The following GRID2 variants were observed in gnomAD, a reference collection of about 807,000 sequenced individuals.
GRID2 encodes the protein glutamate receptor ionotropic, delta-2.
GRID2 carries 33 observed loss-of-function variants against 114.8 expected under a neutral mutation model. The observed-to-expected ratio is 0.29, with a 90% CI of 0.22 to 0.38. The LOEUF is 0.38. Ranked by LOEUF, GRID2 falls within the 10% of genes least tolerant of loss-of-function variation. The pLI is 1.00. For synonymous variants in GRID2, 505 were observed against 449.9 expected, an observed-to-expected ratio of 1.12 and a Z score of -1.55; for missense variants, 1,184 against 1,257.7, an observed-to-expected ratio of 0.94 and a Z score of 0.89.
intron 8 of GRID2, among the ~76,000 whole-genome samples, chr4:93,325,004 T>A (rs1048272258): frequency 6.6e-6 from 1 of 150,684 alleles, no homozygotes; most frequent in Non-Finnish European, 1.5e-5. Context: ...GATTCATTGA[T>A]TTTTTGAAGG....
rs186931788 is a variant in GRID2 at position 92,681,051 on chromosome 4, A to C, written c.244+90765A>C. 3.0e-4 allele frequency among the ~76,000 whole-genome samples: 45 copies of C among 152,302 alleles called. 1 individual carries two copies. In the East Asian group the frequency reaches 7.1e-3, roughly 24 times the overall value. ...AAATTTGAGAATGAAGAGAAATTGG[A>C]AACAATCCAGGAGAGAATAGCACCA... On this transcript the variant is annotated intron_variant, in intron 2 of 15. Coordinates refer to ENST00000282020, the MANE Select transcript of GRID2 (RefSeq NM_001510.4).
At chr4:93,739,337 T>C (rs1731183616) in intron 14 of GRID2, among the ~76,000 whole-genome samples, 2 of 152,130 alleles carry the variant, frequency 1.3e-5, no homozygotes, top group Non-Finnish European at 2.9e-5. Context: ...TTTCTTCAAC[T>C]ATAGCCTAGT....
chr4:92,900,950 A>G (rs201848305), intron 2 of GRID2, among the ~76,000 whole-genome samples: 6 of 60,216 alleles, frequency 1.0e-4, no homozygotes, highest in Admixed American at 8.9e-4. Context: ...GTGTGTGTGT[A>G]TTTCCCATTT....
At chr4:93,293,222 G>A (rs1176631054) in intron 8 of GRID2, among the ~76,000 whole-genome samples, 2 of 152,124 alleles carry the variant, frequency 1.3e-5, no homozygotes, top group Non-Finnish European at 2.9e-5. Flanking sequence ...TAACACTGGA[G>A]TCACTAAGTC....
intron 2 of GRID2, among the ~76,000 whole-genome samples, chr4:92,945,326 C>A (rs1259134984): frequency 1.3e-5 from 2 of 152,114 alleles, no homozygotes; most frequent in Admixed American, 1.3e-4. Context: ...TTTATGGAAT[C>A]CAACATTACT....
At chr4:93,163,015 T>G (rs1034312528) in intron 4 of GRID2, among the ~76,000 whole-genome samples, 3 of 152,028 alleles carry the variant, frequency 2.0e-5, no homozygotes, top group Non-Finnish European at 2.9e-5. Context: ...CTTTCTGTTT[T>G]ATACATTTAC....
chr4:93,572,611 C>A (rs115602849), intron 13 of GRID2, among the ~76,000 whole-genome samples: 5 of 151,586 alleles, frequency 3.3e-5, no homozygotes, highest in South Asian at 2.1e-4. Flanking sequence ...TTAGCTAGGT[C>A]GAAAAAATGA....
chr4:92,892,468 C>A (rs1746861469), intron 2 of GRID2, among the ~76,000 whole-genome samples: 1 of 151,666 alleles, frequency 6.6e-6, no homozygotes, highest in Admixed American at 6.6e-5. Flanking sequence ...AAAATTTGTT[C>A]TGAGAGATAT....
intron 13 of GRID2, among the ~76,000 whole-genome samples, chr4:93,574,565 G>C (rs1363130609): frequency 6.6e-6 from 1 of 152,146 alleles, no homozygotes; most frequent in African/African-American, 2.4e-5. Context: ...CAGAGAGAGA[G>C]AGCTTGTGCA....
chr4:93,546,074 A>G (rs1178103819), intron 13 of GRID2, among the ~76,000 whole-genome samples: 1 of 152,208 alleles, frequency 6.6e-6, no homozygotes. Flanking sequence ...CATTCAGGAT[A>G]TAATTTGGAG....
intron 8 of GRID2, among the ~76,000 whole-genome samples, chr4:93,239,106 T>G (rs1747157501): frequency 6.7e-6 from 1 of 148,346 alleles, no homozygotes; most frequent in African/African-American, 2.4e-5. Context: ...TAATTCGGAT[T>G]TGCTATATAT....
At chr4:93,266,157 A>T (rs1371694719) in intron 8 of GRID2, among the ~76,000 whole-genome samples, 1 of 152,168 alleles carries the variant, frequency 6.6e-6, no homozygotes, top group Non-Finnish European at 1.5e-5. Flanking sequence ...ATTCAGAGAA[A>T]ACCCATGAGA....
intron 4 of GRID2, among the ~76,000 whole-genome samples, chr4:93,163,372 A>ATGTG (rs1553999436): frequency 1.9e-5 from 1 of 53,896 alleles, no homozygotes; most frequent in African/African-American, 6.9e-5. Context: ...ATATATATAT[A>ATGTG]TATATATATA....
chr4:93,608,311 ATTT>A (rs1186818508), intron 13 of GRID2, among the ~76,000 whole-genome samples: 26 of 116,172 alleles, frequency 2.2e-4, no homozygotes, highest in African/African-American at 8.0e-4. Context: ...TTTTTTTTTA[ATTT>A]TTTTTTTTTA....
intron 2 of GRID2, among the ~76,000 whole-genome samples, chr4:92,860,914 T>C (rs1159781612): frequency 6.6e-6 from 1 of 152,068 alleles, no homozygotes; most frequent in Non-Finnish European, 1.5e-5. Flanking sequence ...GAGCTAATAG[T>C]TTAGGAAGGT....
rs548927198 is a variant in GRID2 at position 93,744,632 on chromosome 4, G to A, written c.2361-24578G>A. Among the ~76,000 whole-genome samples the A allele has an allele frequency of 5.9e-5, 9 of 152,310 alleles. No homozygotes were observed. The East Asian group carries it at 1.7e-3, about 29-fold the overall frequency. ...TCTTGAGATAGAAGCTACTCCTGGT[G>A]AAGATGCTGTGAACACTGTTGAAAT... On this transcript the variant is annotated intron_variant, in intron 14 of 15. Coordinates refer to ENST00000282020, the MANE Select transcript of GRID2 (RefSeq NM_001510.4).
intron 2 of GRID2, among the ~76,000 whole-genome samples, chr4:92,982,584 C>CT (rs1213907584): frequency 6.6e-6 from 1 of 151,958 alleles, no homozygotes; most frequent in Non-Finnish European, 1.5e-5. Flanking sequence ...CCATCAATGC[C>CT]TTAGTTCATT....
chr4:92,588,405 G>A (rs1416823487), intron 1 of GRID2, among the ~76,000 whole-genome samples: 2 of 151,834 alleles, frequency 1.3e-5, no homozygotes, highest in Admixed American at 1.3e-4. Context: ...GGCCAGGCGC[G>A]GTGGCTCACG....
chr4:93,533,296 TC>T (rs1731678563), intron 13 of GRID2, among the ~76,000 whole-genome samples: 2 of 144,716 alleles, frequency 1.4e-5, no homozygotes, highest in African/African-American at 2.6e-5. Flanking sequence ...CTTCCTTCCT[TC>T]CTTCCTTCCT....
Sources: allele counts gnomAD v4.1 joint callset (sites outside exome capture counted in the v4.1 genomes callset), GRCh38; gene constraint gnomAD v4.1.1; transcripts MANE v1.5; gene names NCBI Gene and HGNC (gene_info 2026-07-23, HGNC 2026-07-21).